ELMO1: variants seen among roughly 807,000 people sequenced by gnomAD.
ELMO1 encodes the protein engulfment and cell motility 1, also known as engulfment and cell motility protein 1.
ELMO1 carries 26 observed loss-of-function variants against 98.9 expected under a neutral mutation model. That is an observed-to-expected ratio of 0.26 (90% CI 0.19 to 0.36). The LOEUF is 0.36. Among genes scored for constraint, ELMO1 ranks in the 10% least tolerant of loss-of-function variants. ELMO1 has a pLI of 1.00. For synonymous variants in ELMO1, 346 were observed against 346.0 expected, an observed-to-expected ratio of 1.00 and a Z score of 0.00; for missense variants, 627 against 935.2, an observed-to-expected ratio of 0.67 and a Z score of 4.30.
chr7:36,860,268 C>A (rs1165548727), intron 21 of ELMO1, among the ~76,000 whole-genome samples: 1 of 152,056 alleles, frequency 6.6e-6, no homozygotes, highest in South Asian at 2.1e-4. Flanking sequence ...GTGCCCATAA[C>A]CCCCATGCTA....
intron 16 of ELMO1, among the ~76,000 whole-genome samples, chr7:36,896,696 T>A (rs756761333): frequency 4.0e-5 from 6 of 150,930 alleles, no homozygotes; most frequent in Non-Finnish European, 8.9e-5. Context: ...TTTTTTTAAC[T>A]TAGGCAAAAT....
chr7:37,372,913 G>A (rs1802172387), intron 1 of ELMO1, among the ~76,000 whole-genome samples: 1 of 152,196 alleles, frequency 6.6e-6, no homozygotes, highest in African/African-American at 2.4e-5. Context: ...ATCTCTTCCA[G>A]TCAGACAGGC....
At chr7:37,174,992 G>T (rs1790421990) in intron 13 of ELMO1, among the ~76,000 whole-genome samples, 1 of 152,048 alleles carries the variant, frequency 6.6e-6, no homozygotes, top group Non-Finnish European at 1.5e-5. Flanking sequence ...AGAGGAAAGG[G>T]GTTAAGAATG....
At chr7:36,952,340 C>T (rs774644359) in intron 16 of ELMO1, among the ~76,000 whole-genome samples, 3 of 152,100 alleles carry the variant, frequency 2.0e-5, no homozygotes, top group Non-Finnish European at 2.9e-5. Flanking sequence ...CACGTGGCCA[C>T]GGGAGGTGGG....
rs1554307333 is a variant in ELMO1 at position 37,406,268 on chromosome 7, T to TG, written c.-74+42406_-74+42407insC. On this transcript the variant is annotated intron_variant, in intron 1 of 21. Coordinates refer to ENST00000310758, the MANE Select transcript of ELMO1 (RefSeq NM_014800.11). ...AGAAATCTGCAATATTACTCTTTTGTTTTTTTTTTTTCTCTCTTTGTATAT... is the reference window on the plus strand; with the variant it reads ...AGAAATCTGCAATATTACTCTTTTGTGTTTTTTTTTTTCTCTCTTTGTATAT... Among the ~76,000 whole-genome samples, 11 of 35,284 alleles carry TG rather than the reference T, an allele frequency of 3.1e-4. No individual in the cohort carries two copies. The East Asian group carries it at 0.016, about 51-fold the overall frequency. The allele number at this position is 35,284 out of a possible 152,430, so 23.1% of individuals were successfully genotyped here. A position where few individuals can be genotyped will look rare whatever the true frequency, so the allele number is the denominator to read the frequency against.
chr7:37,251,928 A>T (rs1382704993), intron 6 of ELMO1, among the ~76,000 whole-genome samples: 1 of 152,208 alleles, frequency 6.6e-6, no homozygotes, highest in East Asian at 1.9e-4. Flanking sequence ...GCATTCCTAT[A>T]CACCAATAAT....
intron 16 of ELMO1, 152 bp downstream of exon 16, chr7:37,013,147 G>T: frequency 9.9e-7 from 1 of 1,009,536 alleles, no homozygotes; most frequent in Non-Finnish European, 1.4e-6. Context: ...ACACAGGGAT[G>T]TTTGTCTTTC....
chr7:37,111,512 T>G (rs1785249291), intron 14 of ELMO1, among the ~76,000 whole-genome samples: 1 of 152,106 alleles, frequency 6.6e-6, no homozygotes, highest in African/African-American at 2.4e-5. Context: ...AGATTTTCTT[T>G]TAAGAAAAAC....
intron 6 of ELMO1, among the ~76,000 whole-genome samples, chr7:37,254,204 A>C (rs1795515400): frequency 6.6e-6 from 1 of 152,198 alleles, no homozygotes; most frequent in South Asian, 2.1e-4. Flanking sequence ...CTTTGAATTT[A>C]CATAAAACAG....
chr7:37,027,102 C>T (rs1219068246), intron 15 of ELMO1, among the ~76,000 whole-genome samples: 3 of 152,136 alleles, frequency 2.0e-5, no homozygotes, highest in Non-Finnish European at 4.4e-5. Flanking sequence ...ACAAGCTTCA[C>T]CCACTGCCTT....
chr7:37,360,124 G>A (rs902722438), intron 1 of ELMO1, among the ~76,000 whole-genome samples: 1 of 152,152 alleles, frequency 6.6e-6, no homozygotes, highest in Non-Finnish European at 1.5e-5. Context: ...AACTTTGTGT[G>A]AGTTGAATAT....
At chr7:37,366,544 C>A (rs1801909714) in intron 1 of ELMO1, among the ~76,000 whole-genome samples, 1 of 152,144 alleles carries the variant, frequency 6.6e-6, no homozygotes, top group Admixed American at 6.5e-5. Context: ...ACAAGCAAGA[C>A]AAAGTTATGG....
At chr7:37,224,854 C>T in intron 9 of ELMO1, 25 bp downstream of exon 9, 2 of 1,611,078 alleles carry the variant, frequency 1.2e-6, no homozygotes, top group Non-Finnish European at 1.7e-6. Flanking sequence ...CATTTCTCCT[C>T]CCCAGAGCAT....
chr7:37,208,618 T>C (rs761209263), intron 13 of ELMO1, among the ~76,000 whole-genome samples: 2 of 152,142 alleles, frequency 1.3e-5, no homozygotes, highest in African/African-American at 2.4e-5. Context: ...GACCCTGATA[T>C]CATCAGCCAG....
In ELMO1 at chr7:37,437,707, C is replaced by T. The variant is rs1358942500; in HGVS notation, c.-74+10968G>A. Among the ~76,000 whole-genome samples, 6 of 67,322 alleles carry T rather than the reference C, an allele frequency of 8.9e-5. 1 individual carries two copies. The highest frequency in any genetic ancestry group is 2.9e-4 in the African/African-American group (6 of 21,048). The allele number at this position is 67,322 out of a possible 152,430, so 44.2% of individuals were successfully genotyped here. On this transcript the variant is annotated intron_variant, in intron 1 of 21. Coordinates refer to ENST00000310758, the MANE Select transcript of ELMO1 (RefSeq NM_014800.11). ...ACAATAGGCCGGGCGCGGTGGCTCA[C>T]GCCTGTAATCCCAGCACTTTGGGAG...
chr7:37,429,765 G>C (rs1267412929), intron 1 of ELMO1: 3 of 152,294 alleles, frequency 2.0e-5, no homozygotes, highest in African/African-American at 7.2e-5. Context: ...TTCTGAAAGA[G>C]ACATTTAAGA....
chr7:37,424,715 C>A (rs999631211), intron 1 of ELMO1, among the ~76,000 whole-genome samples: 1 of 152,124 alleles, frequency 6.6e-6, no homozygotes, highest in Admixed American at 6.5e-5. Context: ...ATAATCTGTC[C>A]TGTAATGAGT....
chr7:37,081,455 G>A (rs1451979261), intron 15 of ELMO1, among the ~76,000 whole-genome samples: 1 of 152,092 alleles, frequency 6.6e-6, no homozygotes, highest in African/African-American at 2.4e-5. Context: ...ATATGGTTTG[G>A]CTGTGTCCCC....
chr7:36,975,571 G>T (rs1342952354), intron 16 of ELMO1, among the ~76,000 whole-genome samples: 2 of 152,238 alleles, frequency 1.3e-5, no homozygotes, highest in Middle Eastern at 3.4e-3. Context: ...AACTGGCTGG[G>T]AGCCATGGCT....
Sources: gnomAD v4.1 joint callset for allele counts (sites outside exome capture counted in the v4.1 genomes callset) on GRCh38, gnomAD v4.1.1 for gene constraint, MANE v1.5 for transcripts, NCBI Gene and HGNC (gene_info 2026-07-23, HGNC 2026-07-21) for gene names.